PAPSS2: variants seen among roughly 807,000 people sequenced by gnomAD.
PAPSS2 encodes the protein 3'-phosphoadenosine 5'-phosphosulfate synthase 2.
In PAPSS2, 61 loss-of-function variants were observed where a neutral mutation model predicts 66.5. The ratio of observed to expected loss-of-function variants is 0.92; its 90% confidence interval spans 0.75 to 1.14. The LOEUF is 1.14. Among genes scored for constraint, PAPSS2 ranks in the 50% most tolerant of loss-of-function variants. The pLI, the probability that PAPSS2 is intolerant of heterozygous loss-of-function variation, is 0.00. For synonymous variants in PAPSS2, 289 were observed against 287.5 expected (o/e 1.01, Z -0.05); for missense variants, 708 against 789.6 (o/e 0.90, Z 1.24).
At chr10:87,684,100 C>T (rs1024847252) in intron 1 of PAPSS2, among the ~76,000 whole-genome samples, 9 of 152,156 alleles carry the variant, frequency 5.9e-5, no homozygotes, top group Non-Finnish European at 1.0e-4. Context: ...TGTACCAGTA[C>T]GTGTTGTCAA....
chr10:87,727,535 T>G (rs911725771), intron 9 of PAPSS2, 46 bp downstream of exon 9: 1 of 1,462,824 alleles, frequency 6.8e-7, no homozygotes, highest in South Asian at 1.2e-5. Flanking sequence ...CTATTTAAAC[T>G]GAGAAGAAAA....
At chr10:87,745,548 C>T (rs932568487) in intron 12 of PAPSS2, among the ~76,000 whole-genome samples, 1 of 152,180 alleles carries the variant, frequency 6.6e-6, no homozygotes, top group African/African-American at 2.4e-5. Context: ...GCACTTGCTC[C>T]TCATGCTGAG....
intron 1 of PAPSS2, 42 bp downstream of exon 1, chr10:87,660,050 G>A (rs1170771833): frequency 4.4e-6 from 7 of 1,594,308 alleles, no homozygotes; most frequent in Admixed American, 3.4e-5. Context: ...CCACCGCACT[G>A]CACGCGCCGA....
At chr10:87,663,105 A>AC in intron 1 of PAPSS2, among the ~76,000 whole-genome samples, 1 of 94,438 alleles carries the variant, frequency 1.1e-5, no homozygotes, top group Non-Finnish European at 2.0e-5. Flanking sequence ...AGAAGTAGCC[A>AC]CTTTTTTTTT....
At chr10:87,731,888 T>A (rs1589440924) in intron 9 of PAPSS2, among the ~76,000 whole-genome samples, 1 of 152,198 alleles carries the variant, frequency 6.6e-6, no homozygotes, top group East Asian at 1.9e-4. Context: ...CTGGTGAAGA[T>A]TCTCTTGAAA....
intron 8 of PAPSS2, among the ~76,000 whole-genome samples, chr10:87,724,367 C>T (rs1381659254): frequency 2.6e-5 from 4 of 151,434 alleles, no homozygotes; most frequent in East Asian, 1.9e-4. Context: ...TTAAACTGGG[C>T]ACTAATGTAA....
At chr10:87,744,093 C>T (rs567549296) in intron 11 of PAPSS2, among the ~76,000 whole-genome samples, 6 of 150,474 alleles carry the variant, frequency 4.0e-5, no homozygotes, top group Non-Finnish European at 7.4e-5. Flanking sequence ...CAGAGCGAGA[C>T]TTCGTCTCAA....
intron 1 of PAPSS2, among the ~76,000 whole-genome samples, chr10:87,667,341 C>T (rs1279661038): frequency 6.6e-6 from 1 of 152,068 alleles, no homozygotes; most frequent in African/African-American, 2.4e-5. Flanking sequence ...GTAGTCCCAG[C>T]TATCTAGGAG....
chr10:87,678,328 A>T (rs935625369), intron 1 of PAPSS2, among the ~76,000 whole-genome samples: 7 of 152,178 alleles, frequency 4.6e-5, no homozygotes, highest in Non-Finnish European at 8.8e-5. Flanking sequence ...ATAAGACCCC[A>T]AACTTTAAAA....
chr10:87,714,717 C>A (rs17125200), intron 4 of PAPSS2, 28 bp from the exon 5 acceptor site: 4 of 1,183,098 alleles, frequency 3.4e-6, no homozygotes, highest in Non-Finnish European at 5.1e-6. Context: ...AATACAGATG[C>A]GATGATTGTC....
chr10:87,670,891 C>T (rs1236062646), intron 1 of PAPSS2, among the ~76,000 whole-genome samples: 2 of 152,216 alleles, frequency 1.3e-5, no homozygotes, highest in Non-Finnish European at 2.9e-5. Context: ...GTCTCTTACA[C>T]ATCACACTGT....
In PAPSS2 at chr10:87,743,360, T is replaced by C; in HGVS notation, c.1223-13T>C. 1 of 1,613,052 alleles carries C rather than the reference T, an allele frequency of 6.2e-7. No homozygotes were observed. The highest frequency in any genetic ancestry group is 8.5e-7 in the Non-Finnish European group (1 of 1,179,910). ...GTTTCTGTGACCTTCCTTCTTCTGC[T>C]TTCCTCTCCCAGATGCGGTGTTTGC... On this transcript the variant is annotated splice_polypyrimidine_tract_variant and intron_variant, in intron 10 of 12. Transcript: ENST00000456849.
chr10:87,719,618 C>T (rs11202527), intron 7 of PAPSS2, among the ~76,000 whole-genome samples: 79,011 of 151,862 alleles, frequency 0.52, 21,765 homozygotes, highest in East Asian at 0.71. Flanking sequence ...ATAAAAGAAC[C>T]TGGAGTCTTG....
chr10:87,729,989 C>T (rs542516874), intron 9 of PAPSS2, among the ~76,000 whole-genome samples: 2 of 151,824 alleles, frequency 1.3e-5, no homozygotes, highest in South Asian at 2.1e-4. Context: ...AGCGATACTC[C>T]GTCTCAAAAA....
chr10:87,726,790 T>C (rs931685831), intron 8 of PAPSS2, among the ~76,000 whole-genome samples: 13 of 152,210 alleles, frequency 8.5e-5, no homozygotes, highest in African/African-American at 2.2e-4. Flanking sequence ...TTTTTCTTTG[T>C]TTTCAATTCA....
chr10:87,727,620 T>C (rs1402809676), intron 9 of PAPSS2, 131 bp downstream of exon 9: 1 of 816,372 alleles, frequency 1.2e-6, no homozygotes, highest in East Asian at 2.7e-5. Flanking sequence ...TCTAAGGTAG[T>C]GTTTGCAGGC....
At chr10:87,679,117 G>A (rs975028834) in intron 1 of PAPSS2, among the ~76,000 whole-genome samples, 89 of 152,182 alleles carry the variant, frequency 5.8e-4, no homozygotes, top group African/African-American at 2.1e-3. Flanking sequence ...ATGAAATCAT[G>A]TCATTTGCAG....
Position 87,713,277 on chromosome 10 carries a change from C to A in PAPSS2, c.348C>A (p.Val116=). ...VAKLFADAGL[V]CITSFISPFA... ...AGCTGTTTGCTGATGCTGGTCTGGT[C>A]TGCATTACCAGCTTTATTTCTCCAT... Residue 116 remains valine, a synonymous_variant, in exon 3 of 13, where the codon GTC becomes GTA. Transcript: ENST00000456849. The A allele has an allele frequency of 7.9e-7, 1 of 1,269,176 alleles. No individual in the cohort carries two copies. The highest frequency in any genetic ancestry group is 1.1e-6 in the Non-Finnish European group (1 of 912,566). The allele number at this position is 1,269,176 out of a possible 1,614,324, so 78.6% of individuals were successfully genotyped here.
intron 3 of PAPSS2, 149 bp downstream of exon 3, chr10:87,713,459 G>T (rs1008539193): frequency 1.6e-6 from 1 of 644,900 alleles, no homozygotes; most frequent in Non-Finnish European, 2.7e-6. Flanking sequence ...CCAATAACAG[G>T]CTCTCTCATT....
Sources: gnomAD v4.1 joint callset for allele counts (sites outside exome capture counted in the v4.1 genomes callset) on GRCh38, gnomAD v4.1.1 for gene constraint, MANE v1.5 for transcripts, NCBI Gene and HGNC (gene_info 2026-07-23, HGNC 2026-07-21) for gene names.